NECAB1: variants seen among roughly 807,000 people sequenced by gnomAD.
NECAB1 encodes N-terminal EF-hand calcium binding protein 1.
In NECAB1, 29 loss-of-function variants were observed where a neutral mutation model predicts 57.5. The ratio of observed to expected loss-of-function variants is 0.50; its 90% CI spans 0.38 to 0.69. The LOEUF is 0.69. Among genes scored for constraint, NECAB1 ranks in the 30% least tolerant of loss-of-function variants. NECAB1 has a pLI of 0.00. For synonymous variants in NECAB1, 142 were observed against 147.7 expected (o/e 0.96, Z 0.28); for missense variants, 372 against 413.8 (o/e 0.90, Z 0.88).
chr8:90,864,441 G>A (rs532378521), intron 3 of NECAB1, among the ~76,000 whole-genome samples: 16 of 152,198 alleles, frequency 1.1e-4, no homozygotes, highest in African/African-American at 3.9e-4. Context: ...GACTGGAAAT[G>A]TATGTCCCAT....
chr8:90,795,629 C>T (rs1016845821), intron 1 of NECAB1, among the ~76,000 whole-genome samples: 18 of 151,930 alleles, frequency 1.2e-4, no homozygotes, highest in Admixed American at 8.5e-4. Context: ...ATGTCGAAGC[C>T]GAATGAGTCT....
At chr8:90,822,603 C>T (rs1294783627) in intron 2 of NECAB1, among the ~76,000 whole-genome samples, 1 of 151,716 alleles carries the variant, frequency 6.6e-6, no homozygotes, top group Non-Finnish European at 1.5e-5. Context: ...TTAATCGATG[C>T]TTTTATTTGA....
intron 3 of NECAB1, among the ~76,000 whole-genome samples, chr8:90,847,631 G>T (rs1300653428): frequency 1.3e-5 from 2 of 152,342 alleles, no homozygotes; most frequent in East Asian, 3.9e-4. Flanking sequence ...AGACATCCAG[G>T]TGTTTTCTTA....
intron 3 of NECAB1, among the ~76,000 whole-genome samples, chr8:90,840,423 AC>A (rs1812435660): frequency 6.6e-6 from 1 of 152,220 alleles, no homozygotes; most frequent in African/African-American, 2.4e-5. Flanking sequence ...CCCAGAGAGT[AC>A]GCACTAAGGC....
intron 7 of NECAB1, among the ~76,000 whole-genome samples, chr8:90,925,859 A>G (rs1237846113): frequency 6.6e-6 from 1 of 152,150 alleles, no homozygotes; most frequent in Non-Finnish European, 1.5e-5. Flanking sequence ...GAATCCTAGC[A>G]GTTGTGCCTG....
chr8:90,928,389 A>G (rs1810328890), intron 8 of NECAB1, 90 bp downstream of exon 8: 1 of 884,156 alleles, frequency 1.1e-6, no homozygotes, highest in Admixed American at 3.0e-5. Flanking sequence ...TGACTGCCCC[A>G]TAGATAGAAT....
In NECAB1 at chr8:90,955,814, A is replaced by G. The variant is rs577037942; in HGVS notation, c.*302A>G. The G allele has an allele frequency of 3.6e-6, 1 of 280,908 alleles. No homozygotes were observed. Among genetic ancestry groups the G allele is most frequent in the Non-Finnish European group, 6.6e-6 (1 of 152,144 alleles). 17.4% of individuals were successfully genotyped at this position (280,908 alleles called of 1,614,324 possible). ...TGGAAAAAAGCATATGCATAAAGGA[A>G]TAATATTGTGAAAATGAATCTGTTA... On this transcript the variant is annotated 3_prime_UTR_variant, in exon 13 of 13. Coordinates refer to ENST00000417640, the MANE Select transcript of NECAB1 (RefSeq NM_022351.5).
intron 9 of NECAB1, among the ~76,000 whole-genome samples, chr8:90,935,559 C>T (rs1297116982): frequency 6.6e-6 from 1 of 152,124 alleles, no homozygotes; most frequent in Non-Finnish European, 1.5e-5. Flanking sequence ...CCCGGAGGCA[C>T]AGGAATTGTT....
At position 90,906,876 on chromosome 8, in the gene NECAB1, CATATATATATAT is replaced by C. The variant is rs57808023; in HGVS notation, c.358-10593_358-10582del. Among the ~76,000 whole-genome samples the C allele has an allele frequency of 9.1e-4, 111 of 121,756 alleles. 3 individuals are homozygous for C. Among genetic ancestry groups the C allele is most frequent in the African/African-American group, 3.2e-3 (100 of 30,818 alleles). The allele number at this position is 121,756 out of a possible 152,430, so 79.9% of individuals were successfully genotyped here. ...ACCTTTTCCTTACATATGATATACACATATATATATATATATATATATATATATATATATCTT... is the reference window on the plus strand; with the variant it reads ...ACCTTTTCCTTACATATGATATACACATATATATATATATATATATATCTT... On this transcript the variant is annotated intron_variant, in intron 5 of 12. Coordinates refer to ENST00000417640, the MANE Select transcript of NECAB1 (RefSeq NM_022351.5).
chr8:90,885,659 A>G (rs894083114), intron 5 of NECAB1, among the ~76,000 whole-genome samples: 5 of 152,196 alleles, frequency 3.3e-5, no homozygotes, highest in Admixed American at 6.5e-5. Flanking sequence ...TCAATATCCT[A>G]AAGATAATGA....
chr8:90,804,226 A>G (rs906337989), intron 2 of NECAB1, among the ~76,000 whole-genome samples: 2 of 152,230 alleles, frequency 1.3e-5, no homozygotes, highest in Non-Finnish European at 2.9e-5. Flanking sequence ...TTGTGACAAC[A>G]TGAATGGAAT....
chr8:90,806,194 T>C (rs901970605), intron 2 of NECAB1, among the ~76,000 whole-genome samples: 1 of 152,218 alleles, frequency 6.6e-6, no homozygotes, highest in African/African-American at 2.4e-5. Context: ...GAAGGCTATA[T>C]GGGTGGCACA....
chr8:90,802,687 A>T (rs1811779452), intron 2 of NECAB1, among the ~76,000 whole-genome samples: 1 of 152,198 alleles, frequency 6.6e-6, no homozygotes, highest in African/African-American at 2.4e-5. Context: ...CTGACAAGAC[A>T]CACCTTTCTA....
chr8:90,933,764 T>G (rs1810466391), intron 8 of NECAB1, among the ~76,000 whole-genome samples: 1 of 152,154 alleles, frequency 6.6e-6, no homozygotes, highest in Admixed American at 6.5e-5. Flanking sequence ...CTTCACGGTC[T>G]TTATAGGAGT....
At chr8:90,879,535 A>G (rs960810659) in intron 4 of NECAB1, among the ~76,000 whole-genome samples, 4 of 152,194 alleles carry the variant, frequency 2.6e-5, no homozygotes, top group Admixed American at 2.6e-4. Flanking sequence ...GTTTTAAAAT[A>G]AAAATGAAGT....
chr8:90,913,642 ATC>A (rs1198344087), intron 5 of NECAB1, among the ~76,000 whole-genome samples: 2 of 152,138 alleles, frequency 1.3e-5, no homozygotes, highest in Non-Finnish European at 2.9e-5. Context: ...AATGCAAAAA[ATC>A]TCTTTTTGTA....
At chr8:90,926,346 T>G (rs770113240) in intron 7 of NECAB1, among the ~76,000 whole-genome samples, 3 of 152,242 alleles carry the variant, frequency 2.0e-5, no homozygotes, top group Non-Finnish European at 4.4e-5. Context: ...TTTCACCAAC[T>G]GTACTTGAAA....
At chr8:90,829,804 ATC>A (rs2129718784) in intron 3 of NECAB1, among the ~76,000 whole-genome samples, 1 of 152,090 alleles carries the variant, frequency 6.6e-6, no homozygotes, top group South Asian at 2.1e-4. Context: ...CCAAACTGAA[ATC>A]TGTCTCTCTT....
chr8:90,940,938 C>T (rs781552433), intron 10 of NECAB1, 40 bp downstream of exon 10: 9 of 1,439,416 alleles, frequency 6.3e-6, no homozygotes, highest in Admixed American at 2.0e-5. Context: ...CTTTGGCAGC[C>T]TGGGAATACA....
Sources: allele counts gnomAD v4.1 joint callset (sites outside exome capture counted in the v4.1 genomes callset), GRCh38; gene constraint gnomAD v4.1.1; transcripts MANE v1.5; gene names NCBI Gene and HGNC (gene_info 2026-07-23, HGNC 2026-07-21).